RABGAP1L: variants seen among roughly 807,000 people sequenced by gnomAD.
The protein encoded by RABGAP1L is RAB GTPase activating protein 1 like, also known as rab GTPase-activating protein 1-like.
A neutral mutation model predicts 137.7 loss-of-function variants in RABGAP1L; 63 were observed. The observed-to-expected ratio is 0.46, with a 90% CI of 0.37 to 0.56. RABGAP1L has a LOEUF of 0.56. Among genes scored for constraint, RABGAP1L ranks in the 20% least tolerant of loss-of-function variants. The probability of loss-of-function intolerance (pLI) is 0.00; values close to 1 mark genes in which losing one functional copy is unlikely to be tolerated. For synonymous variants in RABGAP1L, 431 were observed against 433.7 expected (o/e 0.99, Z 0.08); for missense variants, 1,095 against 1,244.0 (o/e 0.88, Z 1.80).
chr1:174,369,391 A>G (rs1478813852), intron 11 of RABGAP1L, among the ~76,000 whole-genome samples: 3 of 152,090 alleles, frequency 2.0e-5, no homozygotes, highest in African/African-American at 4.8e-5. Flanking sequence ...GGGTTTTACC[A>G]TGTTGCCCAG....
intron 13 of RABGAP1L, among the ~76,000 whole-genome samples, chr1:174,427,111 A>T (rs1652042417): frequency 6.6e-6 from 1 of 150,796 alleles, no homozygotes; most frequent in South Asian, 2.1e-4. Context: ...AACCTCTATG[A>T]AACCTCTGTT....
chr1:174,516,638 T>A (rs534222240), intron 13 of RABGAP1L, among the ~76,000 whole-genome samples: 81 of 152,314 alleles, frequency 5.3e-4, no homozygotes, highest in African/African-American at 1.8e-3. Context: ...TAATATTTAC[T>A]GAGTACACAC....
chr1:174,674,069 T>C (rs1482990120), intron 14 of RABGAP1L, among the ~76,000 whole-genome samples: 1 of 151,862 alleles, frequency 6.6e-6, no homozygotes, highest in East Asian at 1.9e-4. Flanking sequence ...GAGTTTTTTT[T>C]TTTCTTTTTT....
chr1:174,777,723 TA>T (rs1184385283), intron 18 of RABGAP1L, among the ~76,000 whole-genome samples: 5 of 152,084 alleles, frequency 3.3e-5, no homozygotes, highest in African/African-American at 1.2e-4. Context: ...CTTTAAGAGA[TA>T]AAAATTACAA....
At chr1:174,385,031 T>G (rs949838705) in intron 12 of RABGAP1L, among the ~76,000 whole-genome samples, 1 of 152,212 alleles carries the variant, frequency 6.6e-6, no homozygotes, top group Non-Finnish European at 1.5e-5. Flanking sequence ...GATCATGTCA[T>G]GGTGAGATAT....
chr1:174,276,422 G>A (rs535883475), intron 9 of RABGAP1L, among the ~76,000 whole-genome samples: 85 of 152,276 alleles, frequency 5.6e-4, no homozygotes, highest in South Asian at 2.7e-3. Flanking sequence ...TGGGATTACA[G>A]ATGTGAGCCA....
In RABGAP1L at chr1:174,394,263, G is replaced by A. The variant is rs538970300; in HGVS notation, c.1710+118G>A. The A allele has an allele frequency of 3.5e-5, 41 of 1,170,350 alleles. No homozygotes were observed. The South Asian group carries it at 3.6e-4, about 10-fold the overall frequency. The allele number at this position is 1,170,350 out of a possible 1,614,324, so 72.5% of individuals were successfully genotyped here. ...ACTTCTTCATGAATATATTGAGGTC[G>A]TGAAGTCAGTACTTCTACCTTTTGT... On this transcript the variant is annotated intron_variant, in intron 13 of 25. Transcript: ENST00000681986.
intron 19 of RABGAP1L, among the ~76,000 whole-genome samples, chr1:174,947,565 G>A (rs1056242781): frequency 6.6e-6 from 1 of 151,540 alleles, no homozygotes; most frequent in African/African-American, 2.4e-5. Flanking sequence ...TTATAGGCAT[G>A]AGCCACTGTG....
rs542121533 is a variant in RABGAP1L at position 174,755,727 on chromosome 1, T to C, written c.2211+3373T>C. Among the ~76,000 whole-genome samples, 74 of 152,310 alleles carry C rather than the reference T, an allele frequency of 4.9e-4. No homozygotes were observed. The South Asian group carries it at 0.015, about 31-fold the overall frequency. ...ATGTATATATGTATGTATGTATATT[T>C]TTAATCTGAGTTTGAGATAAGATGG... On this transcript the variant is annotated intron_variant, in intron 18 of 25. Coordinates refer to ENST00000681986, the MANE Select transcript of RABGAP1L (RefSeq NM_001366446.1).
chr1:174,810,065 G>A (rs1689723951), intron 18 of RABGAP1L, among the ~76,000 whole-genome samples: 1 of 152,130 alleles, frequency 6.6e-6, no homozygotes, highest in Non-Finnish European at 1.5e-5. Flanking sequence ...CTAATTTGTG[G>A]ACCTTTGTGA....
chr1:174,697,894 A>G (rs1285139627), intron 15 of RABGAP1L, among the ~76,000 whole-genome samples: 1 of 152,250 alleles, frequency 6.6e-6, no homozygotes, highest in Non-Finnish European at 1.5e-5. Flanking sequence ...ATAGATAAAA[A>G]GAAAATAAGC....
At chr1:174,259,804 A>AAC (rs1369553955) in intron 7 of RABGAP1L, among the ~76,000 whole-genome samples, 2 of 151,978 alleles carry the variant, frequency 1.3e-5, no homozygotes, top group Admixed American at 6.6e-5. Flanking sequence ...AACTTTTCTT[A>AAC]ACATATGAGG....
intron 7 of RABGAP1L, among the ~76,000 whole-genome samples, chr1:174,255,493 GA>G (rs1673047412): frequency 6.6e-6 from 1 of 152,116 alleles, no homozygotes; most frequent in Non-Finnish European, 1.5e-5. Flanking sequence ...CAAAATCTCA[GA>G]TATTGATGAC....
intron 13 of RABGAP1L, among the ~76,000 whole-genome samples, chr1:174,559,435 G>A (rs1309920537): frequency 1.3e-5 from 2 of 152,240 alleles, no homozygotes; most frequent in Non-Finnish European, 1.5e-5. Context: ...ATTTAGGATA[G>A]AGTATCTTAA....
rs190963059 is a variant in RABGAP1L, at chr1:174,944,849, T to C, written c.2341-12608T>C. 4.2e-4 allele frequency among the ~76,000 whole-genome samples: 64 copies of C among 152,330 alleles called. 1 individual carries two copies. In the East Asian group the frequency reaches 0.012, roughly 28 times the overall value. On this transcript the variant is annotated intron_variant, in intron 19 of 25. Coordinates refer to ENST00000681986, the MANE Select transcript of RABGAP1L (RefSeq NM_001366446.1). ...TAAAGTCAGATTTACTCAGGTTGTC[T>C]TATACATTAGTTTCAAATTAAATTT...
At position 174,655,752 on chromosome 1, in the gene RABGAP1L, A is replaced by G. The variant is rs569261455; in HGVS notation, c.1824+18264A>G. ...ATTCTCATTTTATTCAATGGATTGT[A>G]TTTCCTTGCTATCATTATTTGTTTT... On this transcript the variant is annotated intron_variant, in intron 14 of 25. Coordinates refer to ENST00000681986, the MANE Select transcript of RABGAP1L (RefSeq NM_001366446.1). Among the ~76,000 whole-genome samples, 86 of 152,226 alleles carry G rather than the reference A, an allele frequency of 5.6e-4. 2 individuals are homozygous for G. In the South Asian group the frequency reaches 0.017, roughly 31 times the overall value.
intron 11 of RABGAP1L, among the ~76,000 whole-genome samples, chr1:174,348,978 C>A (rs1449139811): frequency 6.6e-6 from 1 of 152,172 alleles, no homozygotes; most frequent in African/African-American, 2.4e-5. Flanking sequence ...GTTGGGCACA[C>A]CTCCCAGACG....
intron 13 of RABGAP1L, among the ~76,000 whole-genome samples, chr1:174,408,238 T>C (rs1252299537): frequency 6.6e-6 from 1 of 152,132 alleles, no homozygotes; most frequent in African/African-American, 2.4e-5. Context: ...TCTGTTAGCC[T>C]CCATTGTCTG....
chr1:174,369,118 GGT>G (rs1684885765), intron 11 of RABGAP1L, among the ~76,000 whole-genome samples: 4 of 152,084 alleles, frequency 2.6e-5, no homozygotes, highest in Admixed American at 2.6e-4. Context: ...ACCTATACTT[GGT>G]ACCAATTTAT....
Sources: gnomAD v4.1 joint callset for allele counts (sites outside exome capture counted in the v4.1 genomes callset) on GRCh38, gnomAD v4.1.1 for gene constraint, MANE v1.5 for transcripts, NCBI Gene and HGNC (gene_info 2026-07-23, HGNC 2026-07-21) for gene names.